The following TTC7B variants were observed in gnomAD, a reference collection of about 807,000 sequenced individuals.
The protein encoded by TTC7B is tetratricopeptide repeat domain 7B.
A neutral mutation model predicts 106.8 loss-of-function variants in TTC7B; 28 were observed. That is an observed-to-expected ratio of 0.26 (90% CI 0.19 to 0.36). The LOEUF is 0.36. Among genes scored for constraint, TTC7B ranks in the 10% least tolerant of loss-of-function variants. The pLI is 1.00. For missense variants in TTC7B, 862 were observed against 1,076.4 expected (o/e 0.80, Z 2.79); for synonymous variants, 405 against 430.6 (o/e 0.94, Z 0.74).
intron 19 of TTC7B, among the ~76,000 whole-genome samples, chr14:90,560,477 T>C (rs184687132): frequency 3.2e-4 from 48 of 152,342 alleles, no homozygotes; most frequent in African/African-American, 1.1e-3. Flanking sequence ...CACTGTCGTC[T>C]TGATGGTTGA....
chr14:90,607,489 A>G (rs184589358), intron 17 of TTC7B, among the ~76,000 whole-genome samples: 248 of 152,330 alleles, frequency 1.6e-3, no homozygotes, highest in Middle Eastern at 3.4e-3. Context: ...ATTTGATCTC[A>G]GGGTCACTTC....
At chr14:90,564,835 C>T (rs933201039) in intron 19 of TTC7B, among the ~76,000 whole-genome samples, 5 of 152,136 alleles carry the variant, frequency 3.3e-5, no homozygotes, top group South Asian at 2.1e-4. Flanking sequence ...CACTTGAGCC[C>T]GGGAGTTCAA....
Position 90,805,520 on chromosome 14 carries a change from C to G in TTC7B, c.121+10655G>C, listed in dbSNP as rs1028386629. Among the ~76,000 whole-genome samples the G allele has an allele frequency of 2.0e-5, 3 of 152,202 alleles. No homozygotes were observed. The highest frequency in any genetic ancestry group is 2.0e-4 in the Admixed American group (3 of 15,280). ...ACCTCAGGGGATCTACCCACCGTGG[C>G]CTCCCAAACTGCTGGGATTGCAGGC... On this transcript the variant is annotated intron_variant, in intron 1 of 19. Coordinates refer to ENST00000328459, the MANE Select transcript of TTC7B (RefSeq NM_001010854.2). This position sits in a 1 kb window ranked among gnomAD's most constrained non-coding sequence, Gnocchi z 4.0.
chr14:90,572,827 A>G (rs1379071171), intron 19 of TTC7B, among the ~76,000 whole-genome samples: 1 of 152,162 alleles, frequency 6.6e-6, no homozygotes, highest in Non-Finnish European at 1.5e-5. Context: ...CTCCTGATCC[A>G]AGCTCCCTGC....
At chr14:90,785,461 G>C (rs1462158469) in intron 2 of TTC7B, among the ~76,000 whole-genome samples, 1 of 152,172 alleles carries the variant, frequency 6.6e-6, no homozygotes, top group Non-Finnish European at 1.5e-5. Flanking sequence ...TGAACTAGGG[G>C]AAGCATCTAG....
chr14:90,591,067 C>A (rs145903470), intron 18 of TTC7B, among the ~76,000 whole-genome samples: 1 of 152,168 alleles, frequency 6.6e-6, no homozygotes, highest in African/African-American at 2.4e-5. Context: ...AGGCTGGGCA[C>A]GGTGCCTCAC....
chr14:90,726,953 C>T (rs980111223), intron 5 of TTC7B, among the ~76,000 whole-genome samples: 19 of 151,946 alleles, frequency 1.3e-4, no homozygotes, highest in African/African-American at 4.4e-4. Flanking sequence ...AGGAAGTTAC[C>T]GGCCTGGATG....
In TTC7B at chr14:90,756,650, C is replaced by T. The variant is rs1031162363; in HGVS notation, c.446-11728G>A. Among the ~76,000 whole-genome samples, 8 of 152,284 alleles carry T rather than the reference C, an allele frequency of 5.3e-5. No homozygotes were observed. The South Asian group carries it at 1.7e-3, about 32-fold the overall frequency. On this transcript the variant is annotated intron_variant, in intron 3 of 19. Transcript: ENST00000328459. ...CCTCAGGTGATCTGCCTGCCTCGGCCTCCCAAAGTGCTGGGATTACAGGTG... is the reference window on the plus strand; with the variant it reads ...CCTCAGGTGATCTGCCTGCCTCGGCTTCCCAAAGTGCTGGGATTACAGGTG...
intron 15 of TTC7B, among the ~76,000 whole-genome samples, chr14:90,642,902 G>A (rs1431962348): frequency 6.6e-6 from 1 of 151,972 alleles, no homozygotes; most frequent in Non-Finnish European, 1.5e-5. Context: ...GCTAGTGGAA[G>A]CCCTCAGTAA....
Position 90,526,057 on chromosome 14 carries a change from A to G in TTC7B, c.*15311T>C, listed in dbSNP as rs925078841. The G allele has an allele frequency of 1.3e-5, 2 of 152,124 alleles. No homozygotes were observed. Among genetic ancestry groups the G allele is most frequent in the African/African-American group, 4.8e-5 (2 of 41,434 alleles). 9.4% of individuals were successfully genotyped at this position (152,124 alleles called of 1,614,324 possible). ...TTTTCTCTGGGGTACATACTAAGAG[A>G]GGAATTCCTGGATAATTCTATGTCT... On this transcript the variant is annotated 3_prime_UTR_variant, in exon 20 of 20. Coordinates refer to ENST00000328459, the MANE Select transcript of TTC7B (RefSeq NM_001010854.2).
intron 19 of TTC7B, among the ~76,000 whole-genome samples, chr14:90,546,758 C>T (rs1351389105): frequency 1.3e-5 from 2 of 152,242 alleles, no homozygotes; most frequent in Non-Finnish European, 2.9e-5. Flanking sequence ...CCCAACAAAA[C>T]CCACCGAGTG....
At position 90,774,099 on chromosome 14, in the gene TTC7B, T is replaced by C. The variant is rs1311892832; in HGVS notation, c.445+6639A>G. ...TGATCCCCCTAATGGGACCAGCCCC[T>C]CTTCACCATGGTCACTGGATCAAGG... On this transcript the variant is annotated intron_variant, in intron 3 of 19. Transcript: ENST00000328459. Among the ~76,000 whole-genome samples, 4 of 152,230 alleles carry C rather than the reference T, an allele frequency of 2.6e-5. No individual in the cohort carries two copies. In the South Asian group the frequency reaches 8.3e-4, roughly 32 times the overall value.
At chr14:90,550,993 C>G (rs564064585) in intron 19 of TTC7B, among the ~76,000 whole-genome samples, 6 of 152,164 alleles carry the variant, frequency 3.9e-5, no homozygotes, top group Non-Finnish European at 7.4e-5. Flanking sequence ...GCGAGCACCC[C>G]CTGGGAGAAG....
At chr14:90,601,831 C>T (rs920702495) in intron 17 of TTC7B, among the ~76,000 whole-genome samples, 19 of 152,074 alleles carry the variant, frequency 1.2e-4, no homozygotes, top group African/African-American at 4.3e-4. Context: ...ATCATAAGGG[C>T]GGTGTACATA....
intron 3 of TTC7B, among the ~76,000 whole-genome samples, chr14:90,760,965 G>A (rs1414140967): frequency 6.6e-6 from 1 of 152,144 alleles, no homozygotes; most frequent in Non-Finnish European, 1.5e-5. Flanking sequence ...TACCCTCCAA[G>A]GAAAATGGGC....
At chr14:90,605,581 G>A (rs78244935) in intron 17 of TTC7B, 93,067 of 1,270,158 alleles carry the variant, frequency 0.073, 3,503 homozygotes, top group African/African-American at 0.094. Context: ...CACAAGAAAG[G>A]AAAAACCATG....
At chr14:90,785,732 G>A (rs1350716349) in intron 2 of TTC7B, among the ~76,000 whole-genome samples, 2 of 152,098 alleles carry the variant, frequency 1.3e-5, no homozygotes, top group African/African-American at 2.4e-5. Flanking sequence ...CAACTGTGAC[G>A]CCAGGCCTGC....
At chr14:90,797,460 G>GA (rs554836501) in intron 1 of TTC7B, among the ~76,000 whole-genome samples, 60 of 148,300 alleles carry the variant, frequency 4.0e-4, no homozygotes, top group African/African-American at 1.4e-3. Flanking sequence ...TTAGTCTAAA[G>GA]AAAAAAAAAG....
At chr14:90,730,277 C>G (rs1595330646) in intron 4 of TTC7B, 81 bp from the exon 5 acceptor site, 1 of 1,498,726 alleles carries the variant, frequency 6.7e-7, no homozygotes, top group South Asian at 1.4e-5. Flanking sequence ...AAATGTACTG[C>G]TCGACCTAAA....
Sources: allele counts gnomAD v4.1 joint callset (sites outside exome capture counted in the v4.1 genomes callset), GRCh38; gene constraint gnomAD v4.1.1; non-coding constraint Gnocchi (gnomAD v3.1); transcripts MANE v1.5; gene names NCBI Gene and HGNC (gene_info 2026-07-23, HGNC 2026-07-21).